ZNF420: variants seen among roughly 807,000 people sequenced by gnomAD.
The protein encoded by ZNF420 is zinc finger protein 420.
A neutral mutation model predicts 44.7 loss-of-function variants in ZNF420; 31 were observed. The ratio of observed to expected loss-of-function variants is 0.69; its 90% CI spans 0.52 to 0.94. The LOEUF (loss-of-function observed/expected upper bound fraction) is 0.94. ZNF420 is among the 40% of genes least tolerant of loss of function. The probability of loss-of-function intolerance (pLI) is 0.00; values close to 1 mark genes in which losing one functional copy is unlikely to be tolerated. For synonymous variants in ZNF420, 245 were observed against 267.4 expected (o/e 0.92, Z 0.82); for missense variants, 681 against 827.9 (o/e 0.82, Z 2.18).
chr19:37,059,797 T>C (rs1967837623), intron 1 of ZNF420, among the ~76,000 whole-genome samples: 1 of 149,432 alleles, frequency 6.7e-6, no homozygotes, highest in Admixed American at 6.7e-5. Flanking sequence ...TGTCTCTTTC[T>C]CTCTCTCTCT....
At chr19:37,093,215 C>T (rs750700964) in intron 4 of ZNF420, 2 of 151,844 alleles carry the variant, frequency 1.3e-5, no homozygotes, top group African/African-American at 4.8e-5. Flanking sequence ...AACCACATCT[C>T]GCGTGAACTC....
At chr19:37,031,991 G>A (rs1568424450) in intron 1 of ZNF420, among the ~76,000 whole-genome samples, 2 of 151,690 alleles carry the variant, frequency 1.3e-5, no homozygotes, top group Non-Finnish European at 2.9e-5. Flanking sequence ...GATCACTTGA[G>A]GTCAGCCTCA....
Position 37,128,614 on chromosome 19 carries a change from G to T in ZNF420, c.1623G>T (p.Ala541=). ...GTAATGAATGTGGAAAGGCCTTTGC[G>T]CGTGGCTTACTACTTATACAACATC... is the stretch of plus-strand genomic sequence containing the variant. ...YVCNECGKAF[A]RGLLLIQHQR... The change falls in exon 5 of 5, where the codon GCG becomes GCT. Residue 541 remains alanine, a synonymous_variant. Coordinates refer to ENST00000337995, the MANE Select transcript of ZNF420 (RefSeq NM_144689.5). 1 of 1,612,698 alleles carries T rather than the reference G, an allele frequency of 6.2e-7. No homozygotes were observed. Among genetic ancestry groups the T allele is most frequent in the Non-Finnish European group, 8.5e-7 (1 of 1,179,560 alleles).
At chr19:37,100,272 AT>A (rs34321525) in intron 4 of ZNF420, among the ~76,000 whole-genome samples, 3 of 148,702 alleles carry the variant, frequency 2.0e-5, no homozygotes, top group East Asian at 2.0e-4. Context: ...AAATACTTGG[AT>A]TTTTTTTTTC....
intron 1 of ZNF420, among the ~76,000 whole-genome samples, chr19:37,066,215 G>A (rs1345059921): frequency 6.6e-6 from 1 of 152,160 alleles, no homozygotes; most frequent in Non-Finnish European, 1.5e-5. Context: ...GGCTGCGGCG[G>A]GTGGATCACC....
Position 37,130,111 on chromosome 19 carries a change from T to C in ZNF420, c.*1053T>C. 1 of 1,550,158 alleles carries C rather than the reference T, an allele frequency of 6.5e-7. No homozygotes were observed. The highest frequency in any genetic ancestry group is 8.7e-7 in the Non-Finnish European group (1 of 1,146,786). On this transcript the variant is annotated 3_prime_UTR_variant, in exon 5 of 5. Coordinates refer to ENST00000337995, the MANE Select transcript of ZNF420 (RefSeq NM_144689.5). ...ATTTACGAAATCCATTTTTCCTGTCTTTTTTTCCGTGCCTACAATGTGGAC... is the reference window on the plus strand; with the variant it reads ...ATTTACGAAATCCATTTTTCCTGTCCTTTTTTCCGTGCCTACAATGTGGAC...
intron 4 of ZNF420, 150 bp downstream of exon 4, chr19:37,091,271 C>T: frequency 1.4e-6 from 1 of 729,480 alleles, no homozygotes; most frequent in South Asian, 2.6e-5. Context: ...GACATGGTTT[C>T]TCAGGGCACC....
chr19:37,024,532 C>A (rs1051119696), intron 1 of ZNF420, among the ~76,000 whole-genome samples: 2 of 152,066 alleles, frequency 1.3e-5, no homozygotes, highest in Non-Finnish European at 2.9e-5. Flanking sequence ...TCACTGCAAC[C>A]GCCACCTCCC....
chr19:37,017,504 A>G (rs972913813), intron 1 of ZNF420, among the ~76,000 whole-genome samples: 11 of 152,244 alleles, frequency 7.2e-5, no homozygotes, highest in Non-Finnish European at 1.2e-4. Context: ...GAATGAAACA[A>G]TGGTTAAATA....
chr19:37,112,564 A>G (rs932623504), intron 4 of ZNF420, among the ~76,000 whole-genome samples: 42 of 152,036 alleles, frequency 2.8e-4, no homozygotes, highest in Admixed American at 5.9e-4. Flanking sequence ...CCAACCCCTC[A>G]AACTGTTTTC....
intron 1 of ZNF420, among the ~76,000 whole-genome samples, chr19:37,023,368 CT>C (rs1159040700): frequency 2.0e-5 from 3 of 151,356 alleles, no homozygotes; most frequent in East Asian, 3.9e-4. Context: ...TCTTTTCTTT[CT>C]TTTTTTTTCT....
chr19:37,070,096 A>T (rs536460241), intron 1 of ZNF420, among the ~76,000 whole-genome samples: 234 of 152,228 alleles, frequency 1.5e-3, no homozygotes, highest in African/African-American at 5.5e-3. Flanking sequence ...TTGAATAATG[A>T]ATTCCCAACA....
intron 1 of ZNF420, among the ~76,000 whole-genome samples, chr19:37,023,887 C>G (rs527986107): frequency 6.6e-6 from 1 of 152,124 alleles, no homozygotes; most frequent in Non-Finnish European, 1.5e-5. Context: ...CATTGACACA[C>G]TGTACATATA....
intron 1 of ZNF420, among the ~76,000 whole-genome samples, chr19:37,008,341 C>A (rs1178866698): frequency 2.6e-5 from 4 of 152,088 alleles, no homozygotes; most frequent in Non-Finnish European, 5.9e-5. Flanking sequence ...TGTGTTGTCA[C>A]GAATGTGCCC....
At chr19:37,035,964 T>C (rs1358316638) in intron 1 of ZNF420, among the ~76,000 whole-genome samples, 1 of 152,188 alleles carries the variant, frequency 6.6e-6, no homozygotes, top group African/African-American at 2.4e-5. Flanking sequence ...TTTTTTCTCT[T>C]TGCCATTTAA....
At chr19:37,055,182 A>G (rs1205617984) in intron 1 of ZNF420, among the ~76,000 whole-genome samples, 1 of 152,206 alleles carries the variant, frequency 6.6e-6, no homozygotes, top group Non-Finnish European at 1.5e-5. Context: ...GGAGTTGGAG[A>G]TGAGCGAGGC....
intron 1 of ZNF420, among the ~76,000 whole-genome samples, chr19:37,061,915 C>T (rs1967885571): frequency 1.3e-5 from 2 of 152,162 alleles, no homozygotes; most frequent in Non-Finnish European, 2.9e-5. Context: ...TTAATGGTGA[C>T]AATCATTGCT....
chr19:37,093,307 CCTT>C (rs1568452062), intron 4 of ZNF420, among the ~76,000 whole-genome samples: 1 of 152,176 alleles, frequency 6.6e-6, no homozygotes, highest in African/African-American at 2.4e-5. Flanking sequence ...ACTGCAACCT[CCTT>C]CTCCTGGGCT....
In ZNF420 at chr19:37,130,086, A is replaced by G. The variant is rs1038855124; in HGVS notation, c.*1028A>G. 1.9e-5 allele frequency: 29 copies of G among 1,550,234 alleles called. 1 individual carries two copies. The African/African-American group carries it at 2.5e-4, about 13-fold the overall frequency. On this transcript the variant is annotated 3_prime_UTR_variant, in exon 5 of 5. Transcript: ENST00000337995. Reference sequence around the variant, plus strand: ...GAAGTGATATTTATATGAGTAGGAGATTTACGAAATCCATTTTTCCTGTCT... The same window carrying G: ...GAAGTGATATTTATATGAGTAGGAGGTTTACGAAATCCATTTTTCCTGTCT...
Sources: allele counts gnomAD v4.1 joint callset (sites outside exome capture counted in the v4.1 genomes callset), GRCh38; gene constraint gnomAD v4.1.1; transcripts MANE v1.5; gene names NCBI Gene and HGNC (gene_info 2026-07-23, HGNC 2026-07-21).